ADGRL3: variants seen among roughly 807,000 people sequenced by gnomAD.
ADGRL3 encodes adhesion G protein-coupled receptor L3.
ADGRL3 carries 62 observed loss-of-function variants against 153.5 expected under a neutral mutation model. The ratio of observed to expected loss-of-function variants is 0.40; its 90% CI spans 0.33 to 0.50. The LOEUF (loss-of-function observed/expected upper bound fraction) is 0.50, where lower values mean the gene tolerates loss of function less well. Among genes scored for constraint, ADGRL3 ranks in the 20% least tolerant of loss-of-function variants. The pLI is 0.47. For synonymous variants in ADGRL3, 710 were observed against 672.5 expected (o/e 1.06, Z -0.86); for missense variants, 1,641 against 1,859.4 (o/e 0.88, Z 2.16).
At chr4:61,803,088 C>T (rs1267069617) in intron 8 of ADGRL3, among the ~76,000 whole-genome samples, 1 of 151,924 alleles carries the variant, frequency 6.6e-6, no homozygotes, top group Non-Finnish European at 1.5e-5. Context: ...TAAGCAAAAT[C>T]TATGAAAACT....
At chr4:62,015,286 A>C (rs992136470) in intron 21 of ADGRL3, among the ~76,000 whole-genome samples, 4 of 152,330 alleles carry the variant, frequency 2.6e-5, no homozygotes, top group East Asian at 3.9e-4. Flanking sequence ...TGCATTCTGC[A>C]ATACTCTGGA....
intron 10 of ADGRL3, among the ~76,000 whole-genome samples, chr4:61,894,524 C>T (rs1255493829): frequency 6.6e-6 from 1 of 152,086 alleles, no homozygotes; most frequent in Admixed American, 6.6e-5. Context: ...TCCTTTACTT[C>T]TAAAAGAAAA....
chr4:61,420,361 A>T (rs2097189167), intron 2 of ADGRL3: 2 of 145,732 alleles, frequency 1.4e-5, no homozygotes, highest in African/African-American at 5.0e-5. Context: ...TTTTATCATG[A>T]TGAACCCTAG....
intron 5 of ADGRL3, among the ~76,000 whole-genome samples, chr4:61,590,972 C>A (rs964128865): frequency 4.6e-5 from 7 of 152,098 alleles, no homozygotes; most frequent in Non-Finnish European, 8.8e-5. Flanking sequence ...ACAGAAAATT[C>A]CGTATATCAT....
At chr4:61,208,777 T>TA (rs1412760190) in intron 1 of ADGRL3, among the ~76,000 whole-genome samples, 6 of 152,124 alleles carry the variant, frequency 3.9e-5, no homozygotes, top group African/African-American at 1.4e-4. Context: ...TCTTGGGAAT[T>TA]ATTAGAGAGG....
At chr4:61,978,605 C>G (rs2099056276) in intron 17 of ADGRL3, among the ~76,000 whole-genome samples, 1 of 152,102 alleles carries the variant, frequency 6.6e-6, no homozygotes, top group Admixed American at 6.6e-5. Context: ...TCTAAAGATT[C>G]ACAGAAGTTT....
intron 4 of ADGRL3, among the ~76,000 whole-genome samples, chr4:61,561,615 T>C (rs74577474): frequency 0.03 from 4,625 of 152,208 alleles, 223 homozygotes; most frequent in African/African-American, 0.1. Context: ...GCTAAGTGAA[T>C]ATTGGTTAAA....
chr4:61,855,994 C>CT (rs1460153693), intron 9 of ADGRL3, among the ~76,000 whole-genome samples: 1 of 152,092 alleles, frequency 6.6e-6, no homozygotes, highest in Non-Finnish European at 1.5e-5. Flanking sequence ...ACAGGTGAGT[C>CT]CAGAACTTAA....
At chr4:61,698,385 G>C (rs559612005) in intron 6 of ADGRL3, among the ~76,000 whole-genome samples, 7 of 152,108 alleles carry the variant, frequency 4.6e-5, no homozygotes, top group African/African-American at 1.7e-4. Flanking sequence ...CCGGGAGGCA[G>C]AGCTTGCAGT....
chr4:61,418,056 C>T (rs1224269411), intron 2 of ADGRL3, among the ~76,000 whole-genome samples: 1 of 152,050 alleles, frequency 6.6e-6, no homozygotes, highest in African/African-American at 2.4e-5. Context: ...TACATGTGAC[C>T]TTCATTTTTG....
chr4:61,918,095 G>A (rs1020659859), intron 13 of ADGRL3, among the ~76,000 whole-genome samples: 8 of 152,196 alleles, frequency 5.3e-5, no homozygotes, highest in African/African-American at 1.9e-4. Flanking sequence ...CAGCCACTTG[G>A]ATTAGCATAT....
chr4:61,615,463 G>A (rs908372893), intron 5 of ADGRL3, among the ~76,000 whole-genome samples: 1 of 152,050 alleles, frequency 6.6e-6, no homozygotes, highest in Non-Finnish European at 1.5e-5. Context: ...TTCAAAAAAG[G>A]GGTGATATTC....
At chr4:61,266,445 A>C (rs1014783550) in intron 1 of ADGRL3, among the ~76,000 whole-genome samples, 3 of 151,862 alleles carry the variant, frequency 2.0e-5, no homozygotes, top group African/African-American at 7.2e-5. Flanking sequence ...AGACTCTAAG[A>C]ACATGCCATT....
intron 2 of ADGRL3, among the ~76,000 whole-genome samples, chr4:61,457,851 CAGATAGATAGATAGATAGATAGATAGAT>C (rs149992520): frequency 6.8e-6 from 1 of 146,060 alleles, no homozygotes; most frequent in African/African-American, 2.5e-5. Flanking sequence ...TCACAGATGA[CAGATAGATAGATAGATAGATAGATAGAT>C]AGATAGATAG....
intron 5 of ADGRL3, among the ~76,000 whole-genome samples, chr4:61,629,197 A>G (rs2093006791): frequency 6.6e-6 from 1 of 152,208 alleles, no homozygotes; most frequent in Non-Finnish European, 1.5e-5. Flanking sequence ...TTTCTGAAAG[A>G]ACAACCTGGA....
intron 3 of ADGRL3, among the ~76,000 whole-genome samples, chr4:61,509,628 G>A (rs1039969183): frequency 2.1e-4 from 31 of 149,962 alleles, no homozygotes; most frequent in African/African-American, 5.9e-4. Flanking sequence ...GTGTGCGTGT[G>A]TATATATATA....
intron 2 of ADGRL3, among the ~76,000 whole-genome samples, chr4:61,452,435 C>T (rs1458883096): frequency 6.6e-6 from 1 of 152,178 alleles, no homozygotes; most frequent in Non-Finnish European, 1.5e-5. Flanking sequence ...GGAATCTGAC[C>T]TACAATGGTA....
Position 61,248,192 on chromosome 4 carries a change from AT to A in ADGRL3, c.-240+46438del, listed in dbSNP as rs528923341. Among the ~76,000 whole-genome samples, 731 of 147,580 alleles carry A rather than the reference AT, an allele frequency of 5.0e-3. 2 individuals carry two copies. Among genetic ancestry groups the A allele is most frequent in the African/African-American group, 0.015 (624 of 40,418 alleles). ...TTAGATCAAGTGCTGCTGTAGAGTAATTTTTTTTTTTGGTCATTCTCATAGA... is the reference window on the plus strand; with the variant it reads ...TTAGATCAAGTGCTGCTGTAGAGTAATTTTTTTTTTGGTCATTCTCATAGA... On this transcript the variant is annotated intron_variant, in intron 1 of 26. Transcript: ENST00000683033.
chr4:61,877,273 A>T (rs1390629401), intron 9 of ADGRL3, among the ~76,000 whole-genome samples: 1 of 152,222 alleles, frequency 6.6e-6, no homozygotes, highest in Non-Finnish European at 1.5e-5. Context: ...CATTATGCTT[A>T]GTGAAAAAGT....
Sources: gnomAD v4.1 joint callset for allele counts (sites outside exome capture counted in the v4.1 genomes callset) on GRCh38, gnomAD v4.1.1 for gene constraint, MANE v1.5 for transcripts, NCBI Gene and HGNC (gene_info 2026-07-23, HGNC 2026-07-21) for gene names.